Variants in CCL20 observed in about 807,000 individuals in gnomAD.
The protein encoded by CCL20 is C-C motif chemokine ligand 20, also known as C-C motif chemokine 20.
Under a neutral mutation model 10.8 loss-of-function variants are expected in CCL20, and 8 were observed. The ratio of observed to expected loss-of-function variants is 0.74; its 90% CI spans 0.44 to 1.34. CCL20 has a LOEUF of 1.34. Among genes scored for constraint, CCL20 ranks in the 40% most tolerant of loss-of-function variants. CCL20 has a pLI of 0.01. For missense variants in CCL20, 107 were observed against 117.9 expected (o/e 0.91, Z 0.43); for synonymous variants, 40 against 39.4 (o/e 1.02, Z -0.06).
intron 3 of CCL20, 45 bp from the exon 4 acceptor site, chr2:227,817,017 G>T (rs1440784586): frequency 1.3e-6 from 2 of 1,511,982 alleles, no homozygotes; most frequent in African/African-American, 2.8e-5. Context: ...CCACCATGCA[G>T]TCACCTTGTC....
At chr2:227,816,609 C>A (rs1348079687) in intron 3 of CCL20, among the ~76,000 whole-genome samples, 9 of 152,206 alleles carry the variant, frequency 5.9e-5, no homozygotes, top group Non-Finnish European at 1.3e-4. Flanking sequence ...TATTAGATTT[C>A]TCTATGCATT....
chr2:227,816,355 T>C lies in CCL20; in HGVS notation c.240T>C (p.Thr80=), dbSNP rs766616352. 6.2e-7 allele frequency: 1 copy of C among 1,609,290 alleles called. No homozygotes were observed. The highest frequency in any genetic ancestry group is 8.5e-7 in the Non-Finnish European group (1 of 1,175,834). ...CTGTGTGCGCAAATCCAAAACAGAC[T>C]TGGGTGAAATATATTGTGCGTCTCC... ...KLSVCANPKQ[T]WVKYIVRLLS... is the part of the protein sequence containing the mutation. Residue 80 remains threonine (T), a synonymous_variant, in exon 3 of 4, where the codon ACT becomes ACC. Coordinates refer to ENST00000358813, the MANE Select transcript of CCL20 (RefSeq NM_004591.3).
chr2:227,815,580 A>G lies in CCL20; in HGVS notation c.191+12A>G. 1 of 1,390,700 alleles carries G rather than the reference A, an allele frequency of 7.2e-7. No homozygotes were observed. Among genetic ancestry groups the G allele is most frequent in the Non-Finnish European group, 1.0e-6 (1 of 987,940 alleles). 86.1% of individuals were successfully genotyped at this position (1,390,700 alleles called of 1,614,324 possible). A position where few individuals can be genotyped will look rare whatever the true frequency, so the allele number is the denominator to read the frequency against. ...ATCAATGCTATCATGTAAGTTATTAATTGATTTTAATTCAGTTGTATCAGG... is the reference window on the plus strand; with the variant it reads ...ATCAATGCTATCATGTAAGTTATTAGTTGATTTTAATTCAGTTGTATCAGG... On this transcript the variant is annotated intron_variant, in intron 2 of 3. Coordinates refer to ENST00000358813, the MANE Select transcript of CCL20 (RefSeq NM_004591.3).
intron 1 of CCL20, among the ~76,000 whole-genome samples, chr2:227,814,926 C>G (rs958610671): frequency 3.1e-4 from 47 of 152,178 alleles, no homozygotes; most frequent in African/African-American, 1.1e-3. Flanking sequence ...TTAAACATTC[C>G]TATTAATTAA....
At chr2:227,816,442 G>A in intron 3 of CCL20, 58 bp downstream of exon 3, 3 of 923,584 alleles carry the variant, frequency 3.2e-6, no homozygotes, top group Non-Finnish European at 3.4e-6. Flanking sequence ...AGTGTGCAAA[G>A]GGGTGGGCCG....
intron 1 of CCL20, among the ~76,000 whole-genome samples, chr2:227,814,306 T>G (rs1689989505): frequency 6.6e-6 from 1 of 152,170 alleles, no homozygotes. Context: ...GGGGCCATTT[T>G]GAAATGTAGA....
chr2:227,816,328 G>T lies in CCL20; in HGVS notation c.213G>T (p.Leu71Phe), dbSNP rs1436561042. ...TCAGCTTTCACACAAAGAAAAAGTTGTCTGTGTGCGCAAATCCAAAACAGA... is the reference window on the plus strand; with the variant it reads ...TCAGCTTTCACACAAAGAAAAAGTTTTCTGTGTGCGCAAATCCAAAACAGA... ...NAIIFHTKKK[L>F]SVCANPKQTW... Residue 71 changes from leucine to phenylalanine, a missense_variant, in exon 3 of 4, where the codon TTG (leucine) becomes TTT (phenylalanine). Leu to Phe is a conservative substitution (Grantham distance 22). Coordinates refer to ENST00000358813, the MANE Select transcript of CCL20 (RefSeq NM_004591.3). The T allele has an allele frequency of 1.2e-6, 2 of 1,610,590 alleles. No homozygotes were observed. Among genetic ancestry groups the T allele is most frequent in the East Asian group, 2.2e-5 (1 of 44,802 alleles).
At chr2:227,816,527 A>C (rs1314822237) in intron 3 of CCL20, 143 bp downstream of exon 3, 4 of 483,278 alleles carry the variant, frequency 8.3e-6, no homozygotes, top group Non-Finnish European at 1.5e-5. Flanking sequence ...CCACAAAAAC[A>C]AAGAATGCAT....
intron 1 of CCL20, among the ~76,000 whole-genome samples, 155 bp downstream of exon 1, chr2:227,814,142 G>C (rs1574623965): frequency 6.6e-6 from 1 of 152,338 alleles, no homozygotes; most frequent in African/African-American, 2.4e-5. Flanking sequence ...GAGTGGAGGA[G>C]AGAAGAGTTA....
intron 3 of CCL20, among the ~76,000 whole-genome samples, chr2:227,816,626 T>C (rs575837628): frequency 6.6e-6 from 1 of 152,380 alleles, no homozygotes; most frequent in East Asian, 1.9e-4. Flanking sequence ...CATTTGATAG[T>C]TACTAGCTGC....
intron 1 of CCL20, among the ~76,000 whole-genome samples, chr2:227,815,177 C>T (rs1690005993): frequency 1.3e-5 from 2 of 152,150 alleles, no homozygotes; most frequent in Middle Eastern, 3.4e-3. Context: ...TGAAGATATC[C>T]CACTTATGAG....
chr2:227,813,863 A>G lies in CCL20; in HGVS notation c.-49A>G. ...TGTCAGAATATAACAGCACTCCCAA[A>G]GAACTGGGTACTCAACACTGAGCAG... is the stretch of plus-strand genomic sequence containing the variant. On this transcript the variant is annotated 5_prime_UTR_variant, in exon 1 of 4. Transcript: ENST00000358813. 1 of 1,431,462 alleles carries G rather than the reference A, an allele frequency of 7.0e-7. No homozygotes were observed. Among genetic ancestry groups the G allele is most frequent in the South Asian group, 1.1e-5 (1 of 87,262 alleles). 88.7% of individuals were successfully genotyped at this position (1,431,462 alleles called of 1,614,324 possible). A position where few individuals can be genotyped will look rare whatever the true frequency, so the allele number is the denominator to read the frequency against.
At chr2:227,815,398 C>T (rs2106160322) in intron 1 of CCL20, 56 bp from the exon 2 acceptor site, 1 of 851,816 alleles carries the variant, frequency 1.2e-6, no homozygotes, top group African/African-American at 1.7e-5. Context: ...TAATACCAAT[C>T]ACAGGATAAG....
chr2:227,816,542 C>T (rs545115683), intron 3 of CCL20, among the ~76,000 whole-genome samples, 158 bp downstream of exon 3: 27 of 152,258 alleles, frequency 1.8e-4, no homozygotes, highest in African/African-American at 6.5e-4. Context: ...ATGCATTTTT[C>T]CACTTACAGA....
rs1690035347 is a variant in CCL20, at chr2:227,817,152, G to A, written c.*69G>A. 2 of 1,240,956 alleles carry A rather than the reference G, an allele frequency of 1.6e-6. No individual in the cohort carries two copies. The highest frequency in any genetic ancestry group is 2.3e-5 in the East Asian group (1 of 42,994). 76.9% of individuals were successfully genotyped at this position (1,240,956 alleles called of 1,614,324 possible). ...CAGAAAGAACCTTGCTGGGGTTGGA[G>A]GTTTCACTTGCACATCATGGAGGGT... On this transcript the variant is annotated 3_prime_UTR_variant, in exon 4 of 4. Transcript: ENST00000358813.
rs1415460168 is a variant in CCL20 at position 227,813,922 on chromosome 2, C to G, written c.11C>G (p.Thr4Ser). MCC[T>S]KSLLLAALMS... ...TTTGAGCTAAAAACCATGTGCTGTACCAAGAGTTTGCTCCTGGCTGCTTTG... is the reference window on the plus strand; with the variant it reads ...TTTGAGCTAAAAACCATGTGCTGTAGCAAGAGTTTGCTCCTGGCTGCTTTG... Residue 4 changes from threonine to serine, a missense_variant, in exon 1 of 4, where the codon ACC becomes AGC. By Grantham distance (58) the Thr-to-Ser change is moderately conservative. Coordinates refer to ENST00000358813, the MANE Select transcript of CCL20 (RefSeq NM_004591.3). The G allele has an allele frequency of 6.2e-6, 10 of 1,613,802 alleles. No homozygotes were observed. Among genetic ancestry groups the G allele is most frequent in the African/African-American group, 1.3e-5 (1 of 74,922 alleles).
chr2:227,813,905 A>G lies in CCL20; in HGVS notation c.-7A>G, dbSNP rs918489228. 6 of 1,611,466 alleles carry G rather than the reference A, an allele frequency of 3.7e-6. No individual in the cohort carries two copies. In the African/African-American group the frequency reaches 4.0e-5, roughly 11 times the overall value. On this transcript the variant is annotated 5_prime_UTR_variant, in exon 1 of 4. Transcript: ENST00000358813. ...ACTGAGCAGATCTGTTCTTTGAGCT[A>G]AAAACCATGTGCTGTACCAAGAGTT...
At position 227,815,504 on chromosome 2, in the gene CCL20, C is replaced by T. The variant is rs756456074; in HGVS notation, c.127C>T (p.Pro43Ser). 5 of 1,611,424 alleles carry T rather than the reference C, an allele frequency of 3.1e-6. No individual in the cohort carries two copies. The highest frequency in any genetic ancestry group is 1.6e-4 in the Middle Eastern group (1 of 6,078). The change falls in exon 2 of 4, where the codon CCT (proline) becomes TCT (serine). Residue 43 changes from proline (P) to serine (S), a missense_variant. By Grantham distance (74) the Pro-to-Ser change is moderately conservative. Transcript: ENST00000358813. Reference sequence around the variant, plus strand: ...TGGATACACAGACCGTATTCTTCATCCTAAATTTATTGTGGGCTTCACACG... The same window carrying T: ...TGGATACACAGACCGTATTCTTCATTCTAAATTTATTGTGGGCTTCACACG... ...CLGYTDRILH[P>S]KFIVGFTRQL...
rs1689983077 is a variant in CCL20, at chr2:227,813,879, C to T, written c.-33C>T. 6.4e-7 allele frequency: 1 copy of T among 1,568,750 alleles called. No homozygotes were observed. Among genetic ancestry groups the T allele is most frequent in the Non-Finnish European group, 8.8e-7 (1 of 1,138,702 alleles). On this transcript the variant is annotated 5_prime_UTR_variant, in exon 1 of 4. Coordinates refer to ENST00000358813, the MANE Select transcript of CCL20 (RefSeq NM_004591.3). Reference sequence around the variant, plus strand: ...CACTCCCAAAGAACTGGGTACTCAACACTGAGCAGATCTGTTCTTTGAGCT... The same window carrying T: ...CACTCCCAAAGAACTGGGTACTCAATACTGAGCAGATCTGTTCTTTGAGCT...
Sources: allele counts gnomAD v4.1 joint callset (sites outside exome capture counted in the v4.1 genomes callset), GRCh38; gene constraint gnomAD v4.1.1; transcripts MANE v1.5; gene names NCBI Gene and HGNC (gene_info 2026-07-23, HGNC 2026-07-21).